Variants in CLEC4A observed in about 807,000 individuals in gnomAD.
The protein encoded by CLEC4A is C-type lectin domain family 4 member A, also known as C-type (calcium dependent, carbohydrate-recognition domain) lectin, superfamily member 6.
A neutral mutation model predicts 32.7 loss-of-function variants in CLEC4A; 27 were observed. That is an observed-to-expected ratio of 0.83 (90% CI 0.61 to 1.14). The LOEUF (loss-of-function observed/expected upper bound fraction) is 1.14, where lower values mean the gene tolerates loss of function less well. CLEC4A is among the 50% of genes most tolerant of loss of function. CLEC4A has a pLI of 0.00. For missense variants in CLEC4A, 253 were observed against 274.6 expected (o/e 0.92, Z 0.55); for synonymous variants, 89 against 93.7 (o/e 0.95, Z 0.29).
chr12:8,113,423 T>A, the CLEC4A span, among the ~76,000 whole-genome samples: 1 of 152,204 alleles, frequency 6.6e-6, no homozygotes, highest in African/African-American at 2.4e-5. Context: ...TTTGGCTTTC[T>A]GCTTAGGTGA....
At chr12:8,137,045 A>C in intron 5 of CLEC4A, 142 bp downstream of exon 5, 28 of 516,422 alleles carry the variant, frequency 5.4e-5, no homozygotes, top group Middle Eastern at 3.1e-4. Context: ...TCATTATCTC[A>C]TTTAATCTGC....
chr12:8,132,105 G>A (rs565761906), intron 3 of CLEC4A, among the ~76,000 whole-genome samples: 85 of 152,134 alleles, frequency 5.6e-4, no homozygotes, highest in Non-Finnish European at 7.8e-4. Context: ...GCTCTATTTT[G>A]TAGTTCCAGC....
chr12:8,104,231 A>G, the CLEC4A span, among the ~76,000 whole-genome samples: 1 of 151,904 alleles, frequency 6.6e-6, no homozygotes, highest in Non-Finnish European at 1.5e-5. Context: ...AATGTTTTCT[A>G]GATGAGATAC....
intron 3 of CLEC4A, chr12:8,134,309 G>A (rs1315734911): frequency 3.1e-6 from 5 of 1,611,804 alleles, no homozygotes; most frequent in Non-Finnish European, 2.5e-6. Context: ...GCAGATGGTC[G>A]TTTGGCTGAA....
chr12:8,138,344 A>G lies in CLEC4A; in HGVS notation c.*57A>G, dbSNP rs749772883. 9 of 1,593,334 alleles carry G rather than the reference A, an allele frequency of 5.6e-6. No homozygotes were observed. Among genetic ancestry groups the G allele is most frequent in the Middle Eastern group, 1.7e-4 (1 of 5,980 alleles). On this transcript the variant is annotated 3_prime_UTR_variant, in exon 6 of 6. Coordinates refer to ENST00000229332, the MANE Select transcript of CLEC4A (RefSeq NM_016184.4). The stretch of plus-strand genomic sequence containing the variant: ...TTGGTATCTGTCATTGTAGGGATAG[A>G]TAATAAGCTCTTCTTATTCATGTGT...
intron 2 of CLEC4A, among the ~76,000 whole-genome samples, chr12:8,126,162 A>T (rs937274887): frequency 1.3e-5 from 2 of 152,098 alleles, no homozygotes; most frequent in Non-Finnish European, 2.9e-5. Flanking sequence ...TGGGATCTAA[A>T]AGTCAATTTT....
At chr12:8,106,738 C>G in the CLEC4A span, among the ~76,000 whole-genome samples, 1 of 152,144 alleles carries the variant, frequency 6.6e-6, no homozygotes, top group Non-Finnish European at 1.5e-5. Flanking sequence ...TATCTTGAAA[C>G]TTTACTGAAG....
At chr12:8,123,065 A>G (rs1383162533), upstream of CLEC4A, among the ~76,000 whole-genome samples, 1 of 152,178 alleles carries the variant, frequency 6.6e-6, no homozygotes, top group Non-Finnish European at 1.5e-5. Context: ...GATTCTATAT[A>G]ATTCTCCTAA....
chr12:8,133,610 C>T (rs1365612870), intron 3 of CLEC4A, among the ~76,000 whole-genome samples: 1 of 151,864 alleles, frequency 6.6e-6, no homozygotes, highest in Non-Finnish European at 1.5e-5. Context: ...ACCTTCCCTC[C>T]AACCAGTTGC....
At position 8,125,542 on chromosome 12, in the gene CLEC4A, A is replaced by G; in HGVS notation, c.83-19A>G. 7.0e-7 allele frequency: 1 copy of G among 1,435,422 alleles called. No individual in the cohort carries two copies. The highest frequency in any genetic ancestry group is 9.8e-7 in the Non-Finnish European group (1 of 1,016,630). The allele number at this position is 1,435,422 out of a possible 1,614,324, so 88.9% of individuals were successfully genotyped here. On this transcript the variant is annotated intron_variant, in intron 1 of 5. Transcript: ENST00000229332. ...GACCAAACTTATTACTGATAAAACT[A>G]ATTTGGCTTCTTCTTCAGCTTCCAA...
chr12:8,108,503 C>G, the CLEC4A span, among the ~76,000 whole-genome samples: 5 of 152,130 alleles, frequency 3.3e-5, no homozygotes, highest in Non-Finnish European at 5.9e-5. Flanking sequence ...GACTAATGTT[C>G]AGGAGTTCTC....
intron 3 of CLEC4A, among the ~76,000 whole-genome samples, chr12:8,132,078 G>T (rs1008883628): frequency 7.9e-5 from 12 of 152,066 alleles, no homozygotes; most frequent in Non-Finnish European, 1.8e-4. Context: ...TTAAATTTTG[G>T]TTTATAATCC....
upstream of CLEC4A, among the ~76,000 whole-genome samples, chr12:8,119,135 C>T (rs1947811734): frequency 6.6e-6 from 1 of 152,224 alleles, no homozygotes; most frequent in Admixed American, 6.5e-5. Flanking sequence ...ACCTCAAAAA[C>T]ACTAAGCTAA....
the CLEC4A span, among the ~76,000 whole-genome samples, chr12:8,107,082 A>G: frequency 8.5e-5 from 13 of 152,124 alleles, no homozygotes; most frequent in Non-Finnish European, 1.6e-4. Context: ...TTTTAACATG[A>G]AGAGATGTTG....
At chr12:8,135,554 T>C in intron 3 of CLEC4A, 31 bp from the exon 4 acceptor site, 2 of 1,609,952 alleles carry the variant, frequency 1.2e-6, no homozygotes, top group Non-Finnish European at 1.7e-6. Context: ...ATTATTTATA[T>C]TGCACGTATG....
chr12:8,117,232 CTT>C, the CLEC4A span, among the ~76,000 whole-genome samples: 16 of 147,906 alleles, frequency 1.1e-4, no homozygotes, highest in Non-Finnish European at 9.0e-5. Context: ...TTGGGCTCTT[CTT>C]TTTTTTTTTG....
chr12:8,134,986 G>GTTTTTTTTTTTGTT lies in CLEC4A; in HGVS notation c.299-590_299-589insTTGTTTTTTTTTTT. ...TCTTGTTGAAGCGTTTTTGTTTTTT[G>GTTTTTTTTTTTGTT]TTTTTTTTTAATCATGGCTGCTTTT... On this transcript the variant is annotated intron_variant, in intron 3 of 5. Transcript: ENST00000229332. The GTTTTTTTTTTTGTT allele has an allele frequency of 3.0e-5, 4 of 133,322 alleles. 1 individual carries two copies. Among genetic ancestry groups the GTTTTTTTTTTTGTT allele is most frequent in the Non-Finnish European group, 1.0e-5 (1 of 95,466 alleles). The allele number at this position is 133,322 out of a possible 1,614,324, so 8.3% of individuals were successfully genotyped here. A position where few individuals can be genotyped will look rare whatever the true frequency, so the allele number is the denominator to read the frequency against.
At chr12:8,114,490 C>T in the CLEC4A span, among the ~76,000 whole-genome samples, 45 of 152,114 alleles carry the variant, frequency 3.0e-4, no homozygotes, top group African/African-American at 9.2e-4. Flanking sequence ...GTGATCCACC[C>T]GCCTCAGCCT....
intron 3 of CLEC4A, among the ~76,000 whole-genome samples, chr12:8,130,826 C>T (rs1947983633): frequency 6.6e-6 from 1 of 152,194 alleles, no homozygotes; most frequent in African/African-American, 2.4e-5. Flanking sequence ...TACAACTAAT[C>T]AACTAATATT....
Sources: allele counts gnomAD v4.1 joint callset (sites outside exome capture counted in the v4.1 genomes callset), GRCh38; gene constraint gnomAD v4.1.1; transcripts MANE v1.5; gene names NCBI Gene and HGNC (gene_info 2026-07-23, HGNC 2026-07-21).